The following EIF5B variants were observed in gnomAD, a reference collection of about 807,000 sequenced individuals.
The protein encoded by EIF5B is eukaryotic translation initiation factor 5B, also known as eIF-5B.
EIF5B carries 47 observed loss-of-function variants against 147.5 expected under a neutral mutation model. The ratio of observed to expected loss-of-function variants is 0.32; its 90% CI spans 0.25 to 0.41. The LOEUF is 0.41. Ranked by LOEUF, EIF5B falls within the 10% of genes least tolerant of loss-of-function variation. The pLI, the probability that EIF5B is intolerant of heterozygous loss-of-function variation, is 1.00. For synonymous variants in EIF5B, 455 were observed against 456.2 expected (o/e 1.00, Z 0.03); for missense variants, 1,064 against 1,413.2 (o/e 0.75, Z 3.96).
intron 1 of EIF5B, among the ~76,000 whole-genome samples, chr2:99,338,750 G>C (rs2094250576): frequency 6.6e-6 from 1 of 151,880 alleles, no homozygotes; most frequent in Non-Finnish European, 1.5e-5. Context: ...ACAAATTTCT[G>C]TACTTTTGAC....
intron 1 of EIF5B, among the ~76,000 whole-genome samples, chr2:99,342,850 T>C (rs1046778243): frequency 1.3e-5 from 2 of 152,116 alleles, no homozygotes; most frequent in Admixed American, 1.3e-4. Context: ...CCTAGGCTGG[T>C]CTTCAGCTCC....
At chr2:99,344,544 C>T (rs868412066) in intron 1 of EIF5B, among the ~76,000 whole-genome samples, 7 of 151,974 alleles carry the variant, frequency 4.6e-5, no homozygotes, top group African/African-American at 1.7e-4. Flanking sequence ...TCAAGGGATT[C>T]TTCTGCCTCA....
At chr2:99,369,752 GGATCACGA>G (rs1184441281) in intron 8 of EIF5B, among the ~76,000 whole-genome samples, 2 of 152,162 alleles carry the variant, frequency 1.3e-5, no homozygotes. Flanking sequence ...TGAGGCAGAT[GGATCACGA>G]GATCAGAAGA....
At chr2:99,382,114 A>T (rs758401750) in intron 12 of EIF5B, 45 bp from the exon 13 acceptor site, 9 of 1,529,418 alleles carry the variant, frequency 5.9e-6, no homozygotes, top group African/African-American at 1.4e-5. Context: ...AGAAGCTTTC[A>T]TGTCTGACTT....
In EIF5B at chr2:99,351,683, TTG is replaced by T. The variant is rs1024386720; in HGVS notation, c.36-8549_36-8548del. Among the ~76,000 whole-genome samples the T allele has an allele frequency of 2.7e-5, 4 of 148,078 alleles. No individual in the cohort carries two copies. In the Admixed American group the frequency reaches 2.8e-4, roughly 10 times the overall value. On this transcript the variant is annotated intron_variant, in intron 1 of 23. Coordinates refer to ENST00000289371, the MANE Select transcript of EIF5B (RefSeq NM_015904.4). ...CTAGTGGCTGTGTAGTGACATATCA[TTG>T]TGTTTTTTTTTTGTTTGTTTGTTTG...
intron 14 of EIF5B, 98 bp downstream of exon 14, chr2:99,383,019 TTTA>T: frequency 7.9e-7 from 1 of 1,271,072 alleles, no homozygotes; most frequent in Non-Finnish European, 1.1e-6. Flanking sequence ...CATAGCTCAT[TTTA>T]TTGTGCTTCA....
rs376204155 is a variant in EIF5B at position 99,376,432 on chromosome 2, A to C, written c.1638A>C (p.Glu546Asp). Residue 546 changes from glutamate to aspartate, a missense_variant, in exon 10 of 24, where the codon GAA (glutamate) becomes GAC (aspartate). Glu to Asp is a conservative substitution (Grantham distance 45). Coordinates refer to ENST00000289371, the MANE Select transcript of EIF5B (RefSeq NM_015904.4). ...AAGAAGAGGAAGAAGAAGATGAAGA[A>C]AGTGAAGAAGAGGAGGAAGAGGAGG... ...EEEEEEEEDE[E>D]SEEEEEEEGE... 200 of 1,581,396 alleles carry C rather than the reference A, an allele frequency of 1.3e-4. No homozygotes were observed. Among genetic ancestry groups the C allele is most frequent in the Non-Finnish European group, 1.7e-4 (194 of 1,152,248 alleles).
At chr2:99,363,608 T>C in intron 4 of EIF5B, 37 bp from the exon 5 acceptor site, 1 of 1,556,602 alleles carries the variant, frequency 6.4e-7, no homozygotes, top group Non-Finnish European at 8.6e-7. Flanking sequence ...GGAATTGTTT[T>C]TTCATTTCAA....
chr2:99,394,104 C>T (rs1297770011), intron 18 of EIF5B, among the ~76,000 whole-genome samples, 163 bp from the exon 19 acceptor site: 1 of 152,188 alleles, frequency 6.6e-6, no homozygotes, highest in East Asian at 1.9e-4. Flanking sequence ...CCCGAAATCT[C>T]CTCCTTCATT....
chr2:99,384,705 A>T lies in EIF5B; in HGVS notation c.2271+1784A>T, dbSNP rs943127215. 3.3e-5 allele frequency among the ~76,000 whole-genome samples: 5 copies of T among 152,358 alleles called. No homozygotes were observed. In the East Asian group the frequency reaches 9.7e-4, roughly 29 times the overall value. On this transcript the variant is annotated intron_variant, in intron 14 of 23. Coordinates refer to ENST00000289371, the MANE Select transcript of EIF5B (RefSeq NM_015904.4). ...CTCATGTATGACTTTGAGGAATTCAAGATTTCAGTAGAGGAAGTCACTGCG... is the reference window on the plus strand; with the variant it reads ...CTCATGTATGACTTTGAGGAATTCATGATTTCAGTAGAGGAAGTCACTGCG...
At chr2:99,380,685 A>T (rs1674669922) in intron 12 of EIF5B, among the ~76,000 whole-genome samples, 1 of 152,236 alleles carries the variant, frequency 6.6e-6, no homozygotes, top group Non-Finnish European at 1.5e-5. Flanking sequence ...ATATGTTATT[A>T]TATGCTAATG....
rs780317971 is a variant in EIF5B at position 99,398,708 on chromosome 2, A to T, written c.3394-40A>T. ...AGCCATGGCGCCTGTGATTGGCATG[A>T]ATTCTTCTGCATGCATTTTAATTTG... On this transcript the variant is annotated intron_variant, in intron 22 of 23. Coordinates refer to ENST00000289371, the MANE Select transcript of EIF5B (RefSeq NM_015904.4). The T allele has an allele frequency of 3.8e-6, 6 of 1,575,230 alleles. No individual in the cohort carries two copies. In the African/African-American group the frequency reaches 6.8e-5, roughly 18 times the overall value.
At chr2:99,366,742 A>G (rs1002531717) in intron 6 of EIF5B, among the ~76,000 whole-genome samples, 1 of 152,088 alleles carries the variant, frequency 6.6e-6, no homozygotes, top group Admixed American at 6.5e-5. Flanking sequence ...AACTAGTTCT[A>G]AAATGGATAT....
At chr2:99,384,172 G>A (rs1674749864) in intron 14 of EIF5B, among the ~76,000 whole-genome samples, 1 of 137,648 alleles carries the variant, frequency 7.3e-6, no homozygotes, top group Non-Finnish European at 1.6e-5. Flanking sequence ...ACTCCAGCCT[G>A]GGTGACAGAG....
At chr2:99,377,314 T>C (rs1674586107) in intron 10 of EIF5B, among the ~76,000 whole-genome samples, 1 of 152,030 alleles carries the variant, frequency 6.6e-6, no homozygotes, top group African/African-American at 2.4e-5. Flanking sequence ...AGTCTAGGTA[T>C]GGATAAATTG....
intron 1 of EIF5B, among the ~76,000 whole-genome samples, chr2:99,342,167 A>G (rs2094261046): frequency 1.3e-5 from 2 of 152,326 alleles, no homozygotes; most frequent in South Asian, 4.1e-4. Flanking sequence ...AGAATCACTT[A>G]AAGGCAACTG....
At chr2:99,363,383 T>C (rs939483877) in intron 4 of EIF5B, among the ~76,000 whole-genome samples, 8 of 152,192 alleles carry the variant, frequency 5.3e-5, no homozygotes, top group African/African-American at 1.9e-4. Flanking sequence ...CTGCTGACAG[T>C]ATCCTTCTGT....
intron 1 of EIF5B, among the ~76,000 whole-genome samples, chr2:99,348,293 T>C (rs892599084): frequency 9.2e-5 from 14 of 152,234 alleles, no homozygotes; most frequent in Admixed American, 8.5e-4. Flanking sequence ...GGGTTTTCTT[T>C]TGAGACATAG....
intron 17 of EIF5B, among the ~76,000 whole-genome samples, chr2:99,391,962 A>G (rs956681927): frequency 6.6e-6 from 1 of 151,344 alleles, no homozygotes; most frequent in African/African-American, 2.4e-5. Flanking sequence ...GGCTCAAGCA[A>G]TCCACCCACC....
Sources: allele counts gnomAD v4.1 joint callset (sites outside exome capture counted in the v4.1 genomes callset), GRCh38; gene constraint gnomAD v4.1.1; transcripts MANE v1.5; gene names NCBI Gene and HGNC (gene_info 2026-07-23, HGNC 2026-07-21).